Variants in ST8SIA5 observed in about 807,000 individuals in gnomAD.
The protein encoded by ST8SIA5 is ST8 alpha-N-acetyl-neuraminide alpha-2,8-sialyltransferase 5.
In ST8SIA5, 24 loss-of-function variants were observed where a neutral mutation model predicts 40.2. The ratio of observed to expected loss-of-function variants is 0.60; its 90% CI spans 0.43 to 0.84. The LOEUF (loss-of-function observed/expected upper bound fraction) is 0.84. ST8SIA5 is among the 40% of genes least tolerant of loss of function. ST8SIA5 has a pLI of 0.00. For synonymous variants in ST8SIA5, 198 were observed against 201.8 expected (o/e 0.98, Z 0.16); for missense variants, 465 against 498.5 (o/e 0.93, Z 0.64).
chr18:46,734,265 A>T (rs1239185151), intron 1 of ST8SIA5, among the ~76,000 whole-genome samples: 1 of 152,138 alleles, frequency 6.6e-6, no homozygotes, highest in African/African-American at 2.4e-5. Context: ...CATCAGAAAA[A>T]GGAAGGGGTT....
At chr18:46,684,594 C>T (rs1302049132) in intron 5 of ST8SIA5, among the ~76,000 whole-genome samples, 1 of 152,184 alleles carries the variant, frequency 6.6e-6, no homozygotes, top group Non-Finnish European at 1.5e-5. Context: ...AGCTTCAGAG[C>T]CTGTGGACAG....
intron 2 of ST8SIA5, 61 bp downstream of exon 2, chr18:46,704,510 AC>A: frequency 1.4e-6 from 2 of 1,382,904 alleles, no homozygotes; most frequent in Non-Finnish European, 2.0e-6. Flanking sequence ...CCACGCACTC[AC>A]CCCCAACCCC....
At chr18:46,704,537 T>C in intron 2 of ST8SIA5, 35 bp downstream of exon 2, 1 of 767,896 alleles carries the variant, frequency 1.3e-6, no homozygotes, top group South Asian at 1.4e-5. Flanking sequence ...CACCTCCACA[T>C]GCTCCCTGCA....
chr18:46,709,507 T>C (rs1453303410), intron 1 of ST8SIA5, among the ~76,000 whole-genome samples: 2 of 152,370 alleles, frequency 1.3e-5, no homozygotes, highest in Non-Finnish European at 1.5e-5. Flanking sequence ...TGTCCCATAT[T>C]CTGCTTCTAA....
At chr18:46,743,562 A>G (rs538069771) in intron 1 of ST8SIA5, among the ~76,000 whole-genome samples, 3 of 152,356 alleles carry the variant, frequency 2.0e-5, no homozygotes, top group Middle Eastern at 3.4e-3. Context: ...ATATGGGACT[A>G]TGTGAAAAGA....
chr18:46,669,338 C>A lies in ST8SIA5; in HGVS notation c.*10704G>T. 6.6e-6 allele frequency: 1 copy of A among 152,368 alleles called. No homozygotes were observed. The allele number at this position is 152,368 out of a possible 1,614,324, so 9.4% of individuals were successfully genotyped here. On this transcript the variant is annotated 3_prime_UTR_variant, in exon 7 of 7. Transcript: ENST00000315087. Reference sequence around the variant, plus strand: ...CCAAAAGGAGATGTCCATCACCCACCATGGGTGCCCTGGGCACACCACGCT... The same window carrying A: ...CCAAAAGGAGATGTCCATCACCCACAATGGGTGCCCTGGGCACACCACGCT...
intron 1 of ST8SIA5, among the ~76,000 whole-genome samples, chr18:46,743,443 T>C (rs756080693): frequency 1.3e-5 from 2 of 152,116 alleles, no homozygotes; most frequent in Middle Eastern, 3.2e-3. Context: ...GCCGATTCGA[T>C]CAAGTGGAAG....
rs2039653462 is a variant in ST8SIA5 at position 46,704,749 on chromosome 18, T to G, written c.132-85A>C. The stretch of plus-strand genomic sequence containing the variant: ...GGGGCTCTTGTTGCAGGGTGGAGTG[T>G]CTGTCCCAGTGAAATAAATAAAGCC... On this transcript the variant is annotated intron_variant, in intron 1 of 6. Coordinates refer to ENST00000315087, the MANE Select transcript of ST8SIA5 (RefSeq NM_013305.6). 5 of 1,133,138 alleles carry G rather than the reference T, an allele frequency of 4.4e-6. No individual in the cohort carries two copies. The South Asian group carries it at 6.2e-5, about 14-fold the overall frequency. The allele number at this position is 1,133,138 out of a possible 1,614,324, so 70.2% of individuals were successfully genotyped here. A position where few individuals can be genotyped will look rare whatever the true frequency, so the allele number is the denominator to read the frequency against.
intron 1 of ST8SIA5, among the ~76,000 whole-genome samples, chr18:46,716,121 T>TAGATAGAC (rs1568266032): frequency 6.6e-6 from 1 of 151,652 alleles, no homozygotes; most frequent in Non-Finnish European, 1.5e-5. Context: ...GATAGATAGA[T>TAGATAGAC]AGATAGATAG....
chr18:46,685,889 G>A lies in ST8SIA5; in HGVS notation c.569+285C>T, dbSNP rs112269458. The A allele has an allele frequency of 1.6e-3, 639 of 406,142 alleles. 4 individuals are homozygous for A. Among genetic ancestry groups the A allele is most frequent in the African/African-American group, 0.012 (596 of 50,200 alleles). The allele number at this position is 406,142 out of a possible 1,614,324, so 25.2% of individuals were successfully genotyped here. A position where few individuals can be genotyped will look rare whatever the true frequency, so the allele number is the denominator to read the frequency against. On this transcript the variant is annotated intron_variant, in intron 5 of 6. Coordinates refer to ENST00000315087, the MANE Select transcript of ST8SIA5 (RefSeq NM_013305.6). ...GGAGACGGTGCCCAGAGGACCTCCC[G>A]ACACAGCTGCAAGCTCCTAAGTCCT...
At chr18:46,702,392 T>G (rs961676856) in intron 2 of ST8SIA5, among the ~76,000 whole-genome samples, 2 of 152,162 alleles carry the variant, frequency 1.3e-5, no homozygotes, top group African/African-American at 4.8e-5. Flanking sequence ...AGGCCCTGCT[T>G]AAAACCATTC....
intron 1 of ST8SIA5, among the ~76,000 whole-genome samples, chr18:46,742,653 C>A (rs997483228): frequency 6.6e-6 from 1 of 152,214 alleles, no homozygotes; most frequent in African/African-American, 2.4e-5. Context: ...GAACAAAAGG[C>A]AGCAGAAACT....
intron 5 of ST8SIA5, among the ~76,000 whole-genome samples, chr18:46,683,588 G>C (rs541919319): frequency 2.0e-5 from 3 of 152,016 alleles, no homozygotes. Flanking sequence ...GCGGTCTTTC[G>C]TCAAGGGGAA....
At position 46,756,865 on chromosome 18, in the gene ST8SIA5, G is replaced by A; in HGVS notation, c.-357C>T. 1 of 250,664 alleles carries A rather than the reference G, an allele frequency of 4.0e-6. No homozygotes were observed. Among genetic ancestry groups the A allele is most frequent in the Non-Finnish European group, 7.6e-6 (1 of 131,540 alleles). The allele number at this position is 250,664 out of a possible 1,614,324, so 15.5% of individuals were successfully genotyped here. ...AGCCGGAGGCGGCCCCTCCCGCCGA[G>A]GTGGCGGCCAATGGGGAGCAAGACC... On this transcript the variant is annotated 5_prime_UTR_variant, in exon 1 of 7. Transcript: ENST00000315087.
At chr18:46,742,706 C>G (rs2040099139) in intron 1 of ST8SIA5, among the ~76,000 whole-genome samples, 1 of 152,226 alleles carries the variant, frequency 6.6e-6, no homozygotes, top group African/African-American at 2.4e-5. Flanking sequence ...CTGAAGAGAG[C>G]AGTGGTTCTC....
chr18:46,715,269 G>A (rs1436581557), intron 1 of ST8SIA5, among the ~76,000 whole-genome samples: 3 of 152,320 alleles, frequency 2.0e-5, no homozygotes, highest in African/African-American at 2.4e-5. Flanking sequence ...TGCTTCCTCC[G>A]CTGCTCTGCC....
At chr18:46,721,491 C>T (rs187471095) in intron 1 of ST8SIA5, 38 of 1,529,072 alleles carry the variant, frequency 2.5e-5, no homozygotes, top group African/African-American at 8.2e-5. Context: ...ACGAGGCAGT[C>T]GGTACTCATG....
intron 1 of ST8SIA5, among the ~76,000 whole-genome samples, chr18:46,747,013 C>T (rs1227626229): frequency 2.6e-5 from 4 of 152,102 alleles, no homozygotes; most frequent in African/African-American, 9.7e-5. Context: ...AACTGGCTAG[C>T]CATATGTAGA....
chr18:46,722,123 C>T (rs62097206), intron 1 of ST8SIA5, among the ~76,000 whole-genome samples: 72 of 152,302 alleles, frequency 4.7e-4, no homozygotes, highest in South Asian at 1.7e-3. Flanking sequence ...CAGATCTACT[C>T]GCAGTGAACA....
Sources: allele counts gnomAD v4.1 joint callset (sites outside exome capture counted in the v4.1 genomes callset), GRCh38; gene constraint gnomAD v4.1.1; transcripts MANE v1.5; gene names NCBI Gene and HGNC (gene_info 2026-07-23, HGNC 2026-07-21).